Variants in GPD2 observed in about 807,000 individuals in gnomAD.
The protein encoded by GPD2 is glycerol-3-phosphate dehydrogenase, mitochondrial.
In GPD2, 54 loss-of-function variants were observed where a neutral mutation model predicts 82.4. The observed-to-expected ratio is 0.66, with a 90% CI of 0.53 to 0.82. GPD2 has a LOEUF of 0.82. Among genes scored for constraint, GPD2 ranks in the 40% least tolerant of loss-of-function variants. The probability of loss-of-function intolerance (pLI) is 0.00; values close to 1 mark genes in which losing one functional copy is unlikely to be tolerated. For missense variants in GPD2, 748 were observed against 896.2 expected (o/e 0.83, Z 2.11); for synonymous variants, 288 against 306.1 (o/e 0.94, Z 0.62).
chr2:156,496,688 ATTTTATGAGTTTATT>A (rs1265369368), intron 3 of GPD2, among the ~76,000 whole-genome samples: 1 of 148,222 alleles, frequency 6.7e-6, no homozygotes, highest in African/African-American at 2.4e-5. Flanking sequence ...ATGAGTTTAT[ATTTTATGAGTTTATT>A]AATTTGTTCT....
rs780581275 is a variant in GPD2 at position 156,571,312 on chromosome 2, A to G, written c.1767+20A>G. 2 of 1,515,500 alleles carry G rather than the reference A, an allele frequency of 1.3e-6. No individual in the cohort carries two copies. Among genetic ancestry groups the G allele is most frequent in the Non-Finnish European group, 1.8e-6 (2 of 1,111,604 alleles). 93.9% of individuals were successfully genotyped at this position (1,515,500 alleles called of 1,614,324 possible). A position where few individuals can be genotyped will look rare whatever the true frequency, so the allele number is the denominator to read the frequency against. ...AAGCAGGTATTATATAGAAGTCTTT[A>G]AAACCACAATTCCTATTGTAAACGC... On this transcript the variant is annotated intron_variant, in intron 13 of 16. Transcript: ENST00000438166.
Position 156,450,849 on chromosome 2 carries a change from G to T in GPD2, c.-9+14336G>T, listed in dbSNP as rs562299241. 4.7e-5 allele frequency among the ~76,000 whole-genome samples: 6 copies of T among 128,448 alleles called. No individual in the cohort carries two copies. In the South Asian group the frequency reaches 1.8e-3, roughly 38 times the overall value. The allele number at this position is 128,448 out of a possible 152,430, so 84.3% of individuals were successfully genotyped here. ...TTGTGTCCCTGGGTACTTGAGATTA[G>T]GGAGTGGTGATGACTCTTAACGAGC... is the stretch of plus-strand genomic sequence containing the variant. On this transcript the variant is annotated intron_variant, in intron 1 of 16. Transcript: ENST00000438166.
the GPD2 span, among the ~76,000 whole-genome samples, chr2:156,426,053 A>T: frequency 6.6e-6 from 1 of 151,626 alleles, no homozygotes; most frequent in Non-Finnish European, 1.5e-5. Context: ...CTCCCCGAGT[A>T]GCTGGGACTA....
intron 1 of GPD2, among the ~76,000 whole-genome samples, chr2:156,462,111 T>C (rs1683008497): frequency 1.3e-5 from 2 of 152,196 alleles, no homozygotes; most frequent in Non-Finnish European, 2.9e-5. Context: ...TTTCTTTAAA[T>C]GCAGGAGAGC....
the GPD2 span, among the ~76,000 whole-genome samples, chr2:156,400,926 T>G: frequency 6.6e-6 from 1 of 152,160 alleles, no homozygotes; most frequent in East Asian, 1.9e-4. Flanking sequence ...TACATTTTGC[T>G]CACATCTAGG....
chr2:156,519,155 A>C (rs1017648840), intron 6 of GPD2, among the ~76,000 whole-genome samples: 1 of 152,164 alleles, frequency 6.6e-6, no homozygotes, highest in African/African-American at 2.4e-5. Context: ...ATAAATATAC[A>C]CATATTGGAG....
the GPD2 span, among the ~76,000 whole-genome samples, chr2:156,418,745 G>A: frequency 6.6e-6 from 1 of 152,168 alleles, no homozygotes; most frequent in Admixed American, 6.5e-5. Context: ...CCTGGTGTAC[G>A]TTATGGGAGG....
the GPD2 span, among the ~76,000 whole-genome samples, chr2:156,402,040 A>G: frequency 6.6e-6 from 1 of 152,362 alleles, no homozygotes; most frequent in African/African-American, 2.4e-5. Flanking sequence ...GCTAACACAT[A>G]GTAACTGTGT....
At chr2:156,562,770 G>T (rs942444841) in intron 9 of GPD2, among the ~76,000 whole-genome samples, 2 of 152,000 alleles carry the variant, frequency 1.3e-5, no homozygotes, top group Non-Finnish European at 2.9e-5. Context: ...TCAATTAGCC[G>T]TGAAAATTGT....
chr2:156,467,932 G>T (rs1683202493), intron 1 of GPD2, among the ~76,000 whole-genome samples: 1 of 151,964 alleles, frequency 6.6e-6, no homozygotes, highest in Non-Finnish European at 1.5e-5. Flanking sequence ...TCTCTGCTTG[G>T]CTGGGGGGAA....
At chr2:156,453,285 C>A (rs1375680077) in intron 1 of GPD2, among the ~76,000 whole-genome samples, 1 of 152,104 alleles carries the variant, frequency 6.6e-6, no homozygotes, top group African/African-American at 2.4e-5. Context: ...GGAGAAATTA[C>A]AGTGATGGAC....
At chr2:156,445,938 A>G (rs372492999) in intron 1 of GPD2, among the ~76,000 whole-genome samples, 1 of 152,176 alleles carries the variant, frequency 6.6e-6, no homozygotes, top group African/African-American at 2.4e-5. Flanking sequence ...ATTTTTGCTT[A>G]TATCATGGTC....
At chr2:156,567,791 C>A (rs1203824011) in intron 9 of GPD2, among the ~76,000 whole-genome samples, 1 of 152,100 alleles carries the variant, frequency 6.6e-6, no homozygotes, top group Non-Finnish European at 1.5e-5. Context: ...CCATAGCTCA[C>A]CTTCTCTCTT....
intron 1 of GPD2, among the ~76,000 whole-genome samples, chr2:156,440,950 G>A (rs1682146305): frequency 6.6e-6 from 1 of 152,202 alleles, no homozygotes; most frequent in Admixed American, 6.5e-5. Flanking sequence ...ATGGGAGCTG[G>A]TGCCAGAGGA....
chr2:156,509,784 T>TTTTTTTTA lies in GPD2; in HGVS notation c.275-1012_275-1011insTTTTTTTA, dbSNP rs1553471067. ...GTTCTTCTTTTTTTTTTTTTTTTTTTATTTCCTGAGATGGAGTCTCACCCT... is the reference window on the plus strand; with the variant it reads ...GTTCTTCTTTTTTTTTTTTTTTTTTTTTTTTTTAATTTCCTGAGATGGAGTCTCACCCT... On this transcript the variant is annotated intron_variant, in intron 3 of 16. Transcript: ENST00000438166. Among the ~76,000 whole-genome samples, 91 of 146,866 alleles carry TTTTTTTTA rather than the reference T, an allele frequency of 6.2e-4. 2 individuals are homozygous for TTTTTTTTA. Among genetic ancestry groups the TTTTTTTTA allele is most frequent in the African/African-American group, 2.1e-3 (83 of 38,812 alleles).
Position 156,570,158 on chromosome 2 carries a change from CAA to C in GPD2, c.1551_1552del (p.Arg518ValfsTer16). ...TGGCCAAAATGGCAAGTGTGACTGG[CAA>C]AAGGTGGCCTATTGTTGGAGTACGT... ...EVAKMASVTG[K>X]RWPIVGVRLV... On this transcript the variant is annotated frameshift_variant, in exon 12 of 17. Transcript: ENST00000438166. LOFTEE classifies it high-confidence loss of function. The C allele has an allele frequency of 6.2e-7, 1 of 1,612,586 alleles. No homozygotes were observed. Among genetic ancestry groups the C allele is most frequent in the Non-Finnish European group, 8.5e-7 (1 of 1,179,004 alleles).
At chr2:156,476,545 C>T (rs909099855) in intron 2 of GPD2, among the ~76,000 whole-genome samples, 7 of 152,092 alleles carry the variant, frequency 4.6e-5, no homozygotes, top group African/African-American at 1.7e-4. Flanking sequence ...CTTCTATGTT[C>T]CTGCCAAAAG....
chr2:156,540,145 C>T (rs1287102529), intron 6 of GPD2, among the ~76,000 whole-genome samples: 1 of 152,198 alleles, frequency 6.6e-6, no homozygotes, highest in Non-Finnish European at 1.5e-5. Context: ...TGATTTGTAG[C>T]AACCACAGCC....
the GPD2 span, among the ~76,000 whole-genome samples, chr2:156,407,087 C>T: frequency 6.6e-6 from 1 of 152,138 alleles, no homozygotes; most frequent in South Asian, 2.1e-4. Context: ...TGGCTCATGC[C>T]TGTAATCCCA....
Sources: gnomAD v4.1 joint callset for allele counts (sites outside exome capture counted in the v4.1 genomes callset) on GRCh38, gnomAD v4.1.1 for gene constraint, MANE v1.5 for transcripts, NCBI Gene and HGNC (gene_info 2026-07-23, HGNC 2026-07-21) for gene names.